The following WSCD1 variants were observed in gnomAD, a reference collection of about 807,000 sequenced individuals.
The protein encoded by WSCD1 is WSC domain sialate O sulfotransferase 1.
Under a neutral mutation model 60.4 loss-of-function variants are expected in WSCD1, and 41 were observed. The observed-to-expected ratio is 0.68, with a 90% CI of 0.53 to 0.88. The LOEUF is 0.88. Ranked by LOEUF, WSCD1 falls within the 40% of genes least tolerant of loss-of-function variation. The probability of loss-of-function intolerance (pLI) is 0.00; values close to 1 mark genes in which losing one functional copy is unlikely to be tolerated. For synonymous variants in WSCD1, 361 were observed against 332.5 expected, an observed-to-expected ratio of 1.09 and a Z score of -0.93; for missense variants, 784 against 796.2, an observed-to-expected ratio of 0.98 and a Z score of 0.18.
At chr17:6,078,232 G>A (rs1355335263) in intron 1 of WSCD1, among the ~76,000 whole-genome samples, 1 of 152,230 alleles carries the variant, frequency 6.6e-6, no homozygotes, top group Non-Finnish European at 1.5e-5. Context: ...CTCATGCTGG[G>A]GCTGGGGTTA....
chr17:6,110,728 A>G lies in WSCD1; in HGVS notation c.1010-43A>G. 4 of 1,576,116 alleles carry G rather than the reference A, an allele frequency of 2.5e-6. No individual in the cohort carries two copies. The highest frequency in any genetic ancestry group is 3.5e-6 in the Non-Finnish European group (4 of 1,154,820). ...GAGTTTAGTGGTGAATTGGTGAGTC[A>G]TAATGGAAGTGAGTAACCCCGTGAT... On this transcript the variant is annotated intron_variant, in intron 6 of 8. Coordinates refer to ENST00000317744, the MANE Select transcript of WSCD1 (RefSeq NM_015253.2). The surrounding 1 kb of genome is among the most constrained non-coding windows in gnomAD (Gnocchi z 4.8).
At position 6,075,478 on chromosome 17, in the gene WSCD1, C is replaced by G. The variant is rs779810060; in HGVS notation, c.-289+4826C>G. Among the ~76,000 whole-genome samples, 23 of 152,172 alleles carry G rather than the reference C, an allele frequency of 1.5e-4. No individual in the cohort carries two copies. Among genetic ancestry groups the G allele is most frequent in the Non-Finnish European group, 2.8e-4 (19 of 68,030 alleles). On this transcript the variant is annotated intron_variant, in intron 1 of 8. Transcript: ENST00000317744. This position sits in a 1 kb window ranked among gnomAD's most constrained non-coding sequence, Gnocchi z 4.1. ...TGGCCACCTGACCAGCCCAAGCCACCCATCATTCAGGCTGGGCAGTTGCTG... is the reference window on the plus strand; with the variant it reads ...TGGCCACCTGACCAGCCCAAGCCACGCATCATTCAGGCTGGGCAGTTGCTG...
rs534755653 is a variant in WSCD1, at chr17:6,115,392, T to C, written c.1175-2596T>C. 3.3e-5 allele frequency among the ~76,000 whole-genome samples: 5 copies of C among 152,334 alleles called. No individual in the cohort carries two copies. In the East Asian group the frequency reaches 9.6e-4, roughly 29 times the overall value. ...GTAATAAAAAATGTCCAAAAATCTT[T>C]TAAGAGTTTTGATTTGTAATCTTTC... On this transcript the variant is annotated intron_variant, in intron 7 of 8. Coordinates refer to ENST00000317744, the MANE Select transcript of WSCD1 (RefSeq NM_015253.2).
At chr17:6,117,832 C>T (rs1347026586) in intron 7 of WSCD1, among the ~76,000 whole-genome samples, 156 bp from the exon 8 acceptor site, 1 of 152,132 alleles carries the variant, frequency 6.6e-6, no homozygotes, top group African/African-American at 2.4e-5. Flanking sequence ...GGAGGCCGTT[C>T]CTATCACCAT....
intron 5 of WSCD1, among the ~76,000 whole-genome samples, chr17:6,106,098 T>C (rs553442060): frequency 1.2e-4 from 19 of 152,344 alleles, no homozygotes; most frequent in Middle Eastern, 6.8e-3. Context: ...TGCAAGGCAC[T>C]TTTCTAGATT....
At chr17:6,090,256 G>A (rs1346217201) in intron 3 of WSCD1, 65 bp from the exon 4 acceptor site, 2 of 1,444,262 alleles carry the variant, frequency 1.4e-6, no homozygotes, top group Non-Finnish European at 1.8e-6. Flanking sequence ...GAAACAGTCT[G>A]CAGTTTAGAC....
At position 6,110,741 on chromosome 17, in the gene WSCD1, G is replaced by A. The variant is rs1461147046; in HGVS notation, c.1010-30G>A. 6.3e-7 allele frequency: 1 copy of A among 1,591,200 alleles called. No individual in the cohort carries two copies. The highest frequency in any genetic ancestry group is 8.6e-7 in the Non-Finnish European group (1 of 1,163,794). On this transcript the variant is annotated intron_variant, in intron 6 of 8. Transcript: ENST00000317744. This position sits in a 1 kb window ranked among gnomAD's most constrained non-coding sequence, Gnocchi z 4.8. ...AATTGGTGAGTCATAATGGAAGTGAGTAACCCCGTGATGACTTTTGGACTT... is the reference window on the plus strand; with the variant it reads ...AATTGGTGAGTCATAATGGAAGTGAATAACCCCGTGATGACTTTTGGACTT...
chr17:6,107,097 C>A (rs1325642292), intron 5 of WSCD1, among the ~76,000 whole-genome samples: 1 of 152,190 alleles, frequency 6.6e-6, no homozygotes, highest in Non-Finnish European at 1.5e-5. Flanking sequence ...ACTTGGCTTG[C>A]AGATGGAAGC....
rs1034504308 is a variant in WSCD1, at chr17:6,070,930, C to T, written c.-289+278C>T. 2.6e-5 allele frequency among the ~76,000 whole-genome samples: 4 copies of T among 151,668 alleles called. No homozygotes were observed. In the South Asian group the frequency reaches 8.3e-4, roughly 32 times the overall value. On this transcript the variant is annotated intron_variant, in intron 1 of 8. Coordinates refer to ENST00000317744, the MANE Select transcript of WSCD1 (RefSeq NM_015253.2). ...GATGGGGTGGGGGTGCGCGAGGCGCCGCACGAGCCGCGTCCCCCTCCGGAG... is the reference window on the plus strand; with the variant it reads ...GATGGGGTGGGGGTGCGCGAGGCGCTGCACGAGCCGCGTCCCCCTCCGGAG...
intron 8 of WSCD1, among the ~76,000 whole-genome samples, chr17:6,119,642 G>A (rs1295207559): frequency 1.3e-5 from 2 of 152,052 alleles, no homozygotes; most frequent in South Asian, 2.1e-4. Context: ...GATCTCTGAC[G>A]CCTCCTCTGC....
chr17:6,115,484 C>T (rs1567561957), intron 7 of WSCD1, among the ~76,000 whole-genome samples: 2 of 151,802 alleles, frequency 1.3e-5, no homozygotes, highest in African/African-American at 4.8e-5. Context: ...AATGAAAAAC[C>T]TCAGACAAGT....
chr17:6,105,204 C>T (rs751575999), intron 5 of WSCD1, among the ~76,000 whole-genome samples: 14 of 152,254 alleles, frequency 9.2e-5, no homozygotes, highest in East Asian at 7.7e-4. Flanking sequence ...CAGCACTAGC[C>T]GTGCGTCCAG....
chr17:6,081,909 G>A (rs1909305622), intron 2 of WSCD1: 1 of 152,112 alleles, frequency 6.6e-6, no homozygotes, highest in Non-Finnish European at 1.5e-5. Flanking sequence ...TTCTCCCGGA[G>A]TTGCCTAGTC....
rs202007947 is a variant in WSCD1, at chr17:6,080,673, C to T, written c.15C>T (p.Phe5=). 6.2e-7 allele frequency: 1 copy of T among 1,613,522 alleles called. No homozygotes were observed. The highest frequency in any genetic ancestry group is 1.7e-5 in the Admixed American group (1 of 60,000). The change falls in exon 2 of 9, where the codon TTC becomes TTT. Residue 5 remains phenylalanine, a synonymous_variant. Transcript: ENST00000317744. This position sits in a 1 kb window ranked among gnomAD's most constrained non-coding sequence, Gnocchi z 6.6. MAKP[F]FRLQKFLRRT... The stretch of plus-strand genomic sequence containing the variant: ...TGCCCAGGGGCATGGCCAAACCTTT[C>T]TTCCGACTCCAGAAGTTTCTCCGCC...
intron 5 of WSCD1, among the ~76,000 whole-genome samples, chr17:6,108,815 A>G (rs1303659000): frequency 1.3e-5 from 2 of 152,238 alleles, no homozygotes; most frequent in African/African-American, 2.4e-5. Flanking sequence ...ACAAGGACCC[A>G]CTTAAGAGAC....
intron 1 of WSCD1, among the ~76,000 whole-genome samples, chr17:6,072,032 G>T (rs536296737): frequency 2.2e-4 from 34 of 152,382 alleles, no homozygotes; most frequent in African/African-American, 7.7e-4. Context: ...CCGCCAGAAG[G>T]CTCTCACCTG....
intron 1 of WSCD1, among the ~76,000 whole-genome samples, chr17:6,079,114 A>G (rs1319301094): frequency 6.6e-6 from 1 of 152,184 alleles, no homozygotes; most frequent in Non-Finnish European, 1.5e-5. Flanking sequence ...CCATTTACTC[A>G]GAGAGGGTCA....
At chr17:6,074,549 C>T (rs1908732702) in intron 1 of WSCD1, among the ~76,000 whole-genome samples, 2 of 152,230 alleles carry the variant, frequency 1.3e-5, no homozygotes, top group East Asian at 1.9e-4. Context: ...GACTCAAGAC[C>T]ACACACTACC....
intron 5 of WSCD1, among the ~76,000 whole-genome samples, chr17:6,106,856 G>A (rs1348056291): frequency 2.0e-5 from 3 of 152,170 alleles, no homozygotes; most frequent in Non-Finnish European, 4.4e-5. Context: ...AGGGTATCTG[G>A]GTGAAGGGCA....
Sources: gnomAD v4.1 joint callset for allele counts (sites outside exome capture counted in the v4.1 genomes callset) on GRCh38, gnomAD v4.1.1 for gene constraint, Gnocchi (gnomAD v3.1) non-coding constraint, MANE v1.5 for transcripts, NCBI Gene and HGNC (gene_info 2026-07-23, HGNC 2026-07-21) for gene names.